Variants in LINGO2 observed in about 807,000 individuals in gnomAD.
LINGO2 encodes the protein leucine-rich repeat and immunoglobulin-like domain-containing nogo receptor-interacting protein 2.
LINGO2 carries 14 observed loss-of-function variants against 30.6 expected under a neutral mutation model. The observed-to-expected ratio is 0.46, with a 90% confidence interval of 0.30 to 0.72. The LOEUF (loss-of-function observed/expected upper bound fraction) is 0.72, where lower values mean the gene tolerates loss of function less well. LINGO2 is among the 30% of genes least tolerant of loss of function. The pLI, the probability that LINGO2 is intolerant of heterozygous loss-of-function variation, is 0.07. For synonymous variants in LINGO2, 317 were observed against 288.5 expected (o/e 1.10, Z -1.00); for missense variants, 729 against 751.7 (o/e 0.97, Z 0.35).
the LINGO2 span, among the ~76,000 whole-genome samples, chr9:28,940,986 C>T: frequency 5.4e-5 from 8 of 147,032 alleles, no homozygotes; most frequent in African/African-American, 7.6e-5. Flanking sequence ...ATATTTATGT[C>T]TTTGCCCCAG....
chr9:28,964,577 C>A, the LINGO2 span, among the ~76,000 whole-genome samples: 1 of 151,838 alleles, frequency 6.6e-6, no homozygotes, highest in Non-Finnish European at 1.5e-5. Flanking sequence ...CGACGAGTTA[C>A]AAACAAGGAG....
rs1005278445 is a variant in LINGO2 at position 28,590,243 on chromosome 9, G to C, written c.-365+79957C>G. On this transcript the variant is annotated intron_variant, in intron 1 of 5. Coordinates refer to ENST00000379992, the Ensembl canonical transcript of LINGO2. Reference sequence around the variant, plus strand: ...GCAATACCATTCAGGACATAGGCATGGGCAAGGACTTCATGTCTAAAACAC... The same window carrying C: ...GCAATACCATTCAGGACATAGGCATCGGCAAGGACTTCATGTCTAAAACAC... 1.0e-3 allele frequency among the ~76,000 whole-genome samples: 158 copies of C among 152,138 alleles called. 1 individual carries two copies. The highest frequency in any genetic ancestry group is 1.8e-3 in the Non-Finnish European group (123 of 67,980).
intron 1 of LINGO2, among the ~76,000 whole-genome samples, chr9:28,599,750 TA>T (rs1287582706): frequency 6.6e-6 from 1 of 152,182 alleles, no homozygotes; most frequent in Non-Finnish European, 1.5e-5. Flanking sequence ...TAATTCACTA[TA>T]AAAATGTATA....
At chr9:27,974,785 G>C (rs779248519) in intron 5 of LINGO2, among the ~76,000 whole-genome samples, 4 of 152,024 alleles carry the variant, frequency 2.6e-5, no homozygotes, top group Non-Finnish European at 5.9e-5. Flanking sequence ...AGAAAAAAAA[G>C]TTTCTTGCTT....
the LINGO2 span, among the ~76,000 whole-genome samples, chr9:29,003,610 T>C: frequency 1.3e-5 from 2 of 152,030 alleles, no homozygotes; most frequent in Non-Finnish European, 2.9e-5. Context: ...TGTAGTTTAC[T>C]TTTTCTGAGA....
chr9:28,014,268 T>C (rs1206312354), intron 4 of LINGO2, among the ~76,000 whole-genome samples: 4 of 152,044 alleles, frequency 2.6e-5, no homozygotes, highest in African/African-American at 9.7e-5. Flanking sequence ...GGGGAAAAAA[T>C]GACAAAAAAT....
chr9:28,770,661 C>A, the LINGO2 span, among the ~76,000 whole-genome samples: 5 of 152,090 alleles, frequency 3.3e-5, no homozygotes, highest in Admixed American at 2.6e-4. Flanking sequence ...TAAGAAAATT[C>A]TCTATAAACT....
chr9:28,700,657 G>A, the LINGO2 span, among the ~76,000 whole-genome samples: 1 of 152,006 alleles, frequency 6.6e-6, no homozygotes, highest in East Asian at 1.9e-4. Flanking sequence ...AACTCATCTA[G>A]GTAAATACCA....
Position 28,099,282 on chromosome 9 carries a change from C to T in LINGO2, c.-86-86877G>A, listed in dbSNP as rs556249557. On this transcript the variant is annotated intron_variant, in intron 4 of 5. Coordinates refer to ENST00000379992, the Ensembl canonical transcript of LINGO2. Reference sequence around the variant, plus strand: ...GTGATTATTTTAAAGTGCCAATTCACGGATTTGAATAAATACAACAAAATA... The same window carrying T: ...GTGATTATTTTAAAGTGCCAATTCATGGATTTGAATAAATACAACAAAATA... Among the ~76,000 whole-genome samples, 85 of 152,172 alleles carry T rather than the reference C, an allele frequency of 5.6e-4. 1 individual carries two copies. In the South Asian group the frequency reaches 0.012, roughly 22 times the overall value.
intron 1 of LINGO2, among the ~76,000 whole-genome samples, chr9:28,608,942 C>T (rs1825801799): frequency 6.6e-6 from 1 of 151,874 alleles, no homozygotes; most frequent in African/African-American, 2.4e-5. Flanking sequence ...TTTTGCTCTT[C>T]ACTTTGGTTT....
At chr9:28,512,520 G>A (rs2135368093) in intron 1 of LINGO2, among the ~76,000 whole-genome samples, 2 of 147,400 alleles carry the variant, frequency 1.4e-5, no homozygotes. Flanking sequence ...CTCCTGTTCT[G>A]GATTCCACTT....
At chr9:28,992,815 A>T in the LINGO2 span, among the ~76,000 whole-genome samples, 3 of 152,130 alleles carry the variant, frequency 2.0e-5, no homozygotes, top group Admixed American at 6.5e-5. Flanking sequence ...TTTGAAACCA[A>T]CGAGAACGAA....
the LINGO2 span, among the ~76,000 whole-genome samples, chr9:29,122,589 C>A: frequency 6.6e-6 from 1 of 151,904 alleles, no homozygotes; most frequent in African/African-American, 2.4e-5. Context: ...AAGTTAAAAA[C>A]ATCATAATCT....
intron 1 of LINGO2, among the ~76,000 whole-genome samples, chr9:28,590,086 A>G (rs1824796138): frequency 3.9e-5 from 6 of 152,176 alleles, no homozygotes; most frequent in Admixed American, 3.9e-4. Context: ...TGGTGCTGGG[A>G]AAACTGGCTA....
chr9:28,714,001 T>C, the LINGO2 span, among the ~76,000 whole-genome samples: 1 of 151,382 alleles, frequency 6.6e-6, no homozygotes, highest in Non-Finnish European at 1.5e-5. Context: ...CTACTAAAAA[T>C]AGAAAAATTT....
At chr9:28,197,906 T>C (rs1227425571) in intron 4 of LINGO2, among the ~76,000 whole-genome samples, 1 of 151,848 alleles carries the variant, frequency 6.6e-6, no homozygotes, top group Non-Finnish European at 1.5e-5. Context: ...ATAAGAGAAA[T>C]GTAAGTTACA....
the LINGO2 span, among the ~76,000 whole-genome samples, chr9:29,103,525 G>C: frequency 6.6e-6 from 1 of 151,684 alleles, no homozygotes; most frequent in African/African-American, 2.4e-5. Context: ...TTGCTAATAA[G>C]TTTATAATAT....
chr9:29,062,624 C>T, the LINGO2 span, among the ~76,000 whole-genome samples: 3 of 151,958 alleles, frequency 2.0e-5, no homozygotes, highest in East Asian at 5.8e-4. Flanking sequence ...ACATGAGATG[C>T]CTAGAGTAGT....
Position 28,475,932 on chromosome 9 carries a change from T to C in LINGO2, c.-279+8A>G, listed in dbSNP as rs2026375. On this transcript the variant is annotated splice_region_variant and intron_variant, in intron 2 of 5. Transcript: ENST00000379992. ...TATCCTGAAACCTAGAAAAAGAGAC[T>C]CACTTACCAGTTTGAATTGTTGGGC... 152,343 of 152,704 alleles carry C rather than the reference T, an allele frequency of 1. 75,993 individuals are homozygous for C. Among genetic ancestry groups the C allele is most frequent in the Middle Eastern group, 1 (294 of 294 alleles). 9.5% of individuals were successfully genotyped at this position (152,704 alleles called of 1,614,324 possible). A position where few individuals can be genotyped will look rare whatever the true frequency, so the allele number is the denominator to read the frequency against.
Sources: gnomAD v4.1 joint callset for allele counts (sites outside exome capture counted in the v4.1 genomes callset) on GRCh38, gnomAD v4.1.1 for gene constraint, MANE v1.5 for transcripts, NCBI Gene and HGNC (gene_info 2026-07-23, HGNC 2026-07-21) for gene names.